Variants in CSMD1 observed in about 807,000 individuals in gnomAD.
CSMD1 encodes the protein CUB and Sushi multiple domains 1.
In CSMD1, 213 loss-of-function variants were observed where a neutral mutation model predicts 417.5. That is an observed-to-expected ratio of 0.51 (90% CI 0.46 to 0.57). The LOEUF (loss-of-function observed/expected upper bound fraction) is 0.57. Ranked by LOEUF, CSMD1 falls within the 20% of genes least tolerant of loss-of-function variation. The pLI is 0.00. For synonymous variants in CSMD1, 2,862 were observed against 1,736.8 expected, an observed-to-expected ratio of 1.65 and a Z score of -16.11; for missense variants, 6,923 against 4,529.7, an observed-to-expected ratio of 1.53 and a Z score of -15.17.
intron 3 of CSMD1, among the ~76,000 whole-genome samples, chr8:4,181,172 G>C (rs545665316): frequency 1.3e-5 from 2 of 152,096 alleles, no homozygotes; most frequent in South Asian, 4.1e-4. Flanking sequence ...AAAAGTAAAT[G>C]AGAAAGCATT....
rs75006817 is a variant in CSMD1 at position 4,844,552 on chromosome 8, C to G, written c.85+149780G>C. Among the ~76,000 whole-genome samples the G allele has an allele frequency of 3.2e-3, 489 of 152,240 alleles. 4 individuals carry two copies. The highest frequency in any genetic ancestry group is 0.011 in the African/African-American group (448 of 41,550). On this transcript the variant is annotated intron_variant, in intron 1 of 69. Coordinates refer to ENST00000635120, the MANE Select transcript of CSMD1 (RefSeq NM_033225.6). ...CTGCGACTGGCTCGAGATTCAATAA[C>G]CAGCCATGAGGGGTGCACAACATTA...
intron 3 of CSMD1, among the ~76,000 whole-genome samples, chr8:4,222,754 G>A (rs1371896379): frequency 2.0e-5 from 3 of 152,136 alleles, no homozygotes; most frequent in Admixed American, 2.0e-4. Context: ...CTGCCCAGAT[G>A]GAGGTTATAG....
intron 3 of CSMD1, among the ~76,000 whole-genome samples, chr8:4,061,919 T>C (rs139900069): frequency 5.4e-4 from 83 of 152,296 alleles, no homozygotes; most frequent in Middle Eastern, 3.4e-3. Flanking sequence ...AAATCAATTA[T>C]GCATTACTGA....
At chr8:4,108,023 G>T (rs1299466177) in intron 3 of CSMD1, among the ~76,000 whole-genome samples, 1 of 151,364 alleles carries the variant, frequency 6.6e-6, no homozygotes, top group East Asian at 1.9e-4. Context: ...AAGACTGCAG[G>T]GGAGAGAGAG....
rs534003790 is a variant in CSMD1, at chr8:4,140,234, C to G, written c.416-108135G>C. ...AAAAATTCATCTGGATATGAAGGCT[C>G]AGCCTGTCATCTAGCACTTTGGGAA... On this transcript the variant is annotated intron_variant, in intron 3 of 69. Coordinates refer to ENST00000635120, the MANE Select transcript of CSMD1 (RefSeq NM_033225.6). Among the ~76,000 whole-genome samples the G allele has an allele frequency of 6.8e-5, 9 of 132,594 alleles. 1 individual carries two copies. Among genetic ancestry groups the G allele is most frequent in the African/African-American group, 1.8e-4 (7 of 38,980 alleles). The allele number at this position is 132,594 out of a possible 152,430, so 87.0% of individuals were successfully genotyped here.
chr8:3,473,712 T>G (rs1237929154), intron 11 of CSMD1, among the ~76,000 whole-genome samples: 1 of 152,186 alleles, frequency 6.6e-6, no homozygotes, highest in African/African-American at 2.4e-5. Context: ...ATAACAATGA[T>G]GAAGAAGATA....
chr8:4,912,135 A>G lies in CSMD1; in HGVS notation c.85+82197T>C, dbSNP rs73187611. 7.1e-4 allele frequency among the ~76,000 whole-genome samples: 82 copies of G among 115,590 alleles called. 1 individual carries two copies. Among genetic ancestry groups the G allele is most frequent in the South Asian group, 1.5e-3 (5 of 3,430 alleles). The allele number at this position is 115,590 out of a possible 152,430, so 75.8% of individuals were successfully genotyped here. A position where few individuals can be genotyped will look rare whatever the true frequency, so the allele number is the denominator to read the frequency against. ...TCAACATAGCTTCAAAAAAAAAAAAAAAAAAAGAAAGAAAGAAAAGAAAAG... is the reference window on the plus strand; with the variant it reads ...TCAACATAGCTTCAAAAAAAAAAAAGAAAAAAGAAAGAAAGAAAAGAAAAG... On this transcript the variant is annotated intron_variant, in intron 1 of 69. Coordinates refer to ENST00000635120, the MANE Select transcript of CSMD1 (RefSeq NM_033225.6).
intron 3 of CSMD1, among the ~76,000 whole-genome samples, chr8:4,212,974 G>A (rs146833528): frequency 1.3e-5 from 2 of 152,088 alleles, no homozygotes; most frequent in East Asian, 1.9e-4. Context: ...AACACCTAGC[G>A]TTGGCTTCCA....
In CSMD1 at chr8:4,994,274, G is replaced by T. The variant is rs960239581; in HGVS notation, c.85+58C>A. The T allele has an allele frequency of 1.7e-5, 26 of 1,513,184 alleles. 1 individual carries two copies. In the South Asian group the frequency reaches 2.7e-4, roughly 16 times the overall value. The allele number at this position is 1,513,184 out of a possible 1,614,324, so 93.7% of individuals were successfully genotyped here. A position where few individuals can be genotyped will look rare whatever the true frequency, so the allele number is the denominator to read the frequency against. On this transcript the variant is annotated intron_variant, in intron 1 of 69. Transcript: ENST00000635120. ...GTCCCCAAAACGCACACTCGCGTCCGCACACGGGGCCTCCGAGGGCTCTAC... is the reference window on the plus strand; with the variant it reads ...GTCCCCAAAACGCACACTCGCGTCCTCACACGGGGCCTCCGAGGGCTCTAC...
chr8:3,736,807 T>C (rs910105783), intron 6 of CSMD1, among the ~76,000 whole-genome samples: 23 of 152,222 alleles, frequency 1.5e-4, no homozygotes, highest in African/African-American at 5.5e-4. Flanking sequence ...GTGGCATAAA[T>C]AGGCCCTGTT....
intron 1 of CSMD1, among the ~76,000 whole-genome samples, chr8:4,733,895 G>C (rs921133700): frequency 6.6e-6 from 1 of 152,050 alleles, no homozygotes; most frequent in Admixed American, 6.6e-5. Context: ...GTAGCTTTTT[G>C]AATTCTGGAA....
intron 29 of CSMD1, among the ~76,000 whole-genome samples, chr8:3,217,640 A>C (rs1368208366): frequency 6.6e-6 from 1 of 152,198 alleles, no homozygotes; most frequent in African/African-American, 2.4e-5. Context: ...GCTCAAAAGT[A>C]CTGTTTTCAA....
intron 1 of CSMD1, among the ~76,000 whole-genome samples, chr8:4,763,906 G>C (rs943015752): frequency 1.3e-5 from 2 of 152,176 alleles, no homozygotes; most frequent in South Asian, 2.1e-4. Context: ...ATAACCCTGA[G>C]CACTTCAAAA....
At chr8:4,773,578 C>T (rs1379326018) in intron 1 of CSMD1, among the ~76,000 whole-genome samples, 1 of 152,152 alleles carries the variant, frequency 6.6e-6, no homozygotes, top group Non-Finnish European at 1.5e-5. Flanking sequence ...ATCCTCCTTT[C>T]TCGTCTATAT....
At chr8:4,322,557 T>A (rs1799330450) in intron 3 of CSMD1, among the ~76,000 whole-genome samples, 1 of 151,540 alleles carries the variant, frequency 6.6e-6, no homozygotes, top group African/African-American at 2.4e-5. Context: ...CTGAAGAGAG[T>A]AAGTAAGATT....
intron 28 of CSMD1, among the ~76,000 whole-genome samples, chr8:3,222,263 G>A (rs889465292): frequency 6.6e-6 from 1 of 152,056 alleles, no homozygotes; most frequent in South Asian, 2.1e-4. Flanking sequence ...ATCATCAAAT[G>A]AGTTGCACTT....
chr8:3,698,623 C>T (rs2624108), intron 7 of CSMD1, among the ~76,000 whole-genome samples: 19,483 of 152,106 alleles, frequency 0.13, 1,587 homozygotes, highest in African/African-American at 0.24. Flanking sequence ...ACTCGCGTCC[C>T]TAAAAGCAAG....
At chr8:3,897,236 C>T (rs573242257) in intron 5 of CSMD1, among the ~76,000 whole-genome samples, 1 of 152,088 alleles carries the variant, frequency 6.6e-6, no homozygotes, top group Admixed American at 6.6e-5. Context: ...CACAGCCTAC[C>T]CTTTCTACAG....
rs1212934680 is a variant in CSMD1, at chr8:3,799,102, T to A, written c.819-45060A>T. Among the ~76,000 whole-genome samples, 3 of 152,118 alleles carry A rather than the reference T, an allele frequency of 2.0e-5. No homozygotes were observed. The East Asian group carries it at 5.8e-4, about 29-fold the overall frequency. On this transcript the variant is annotated intron_variant, in intron 5 of 69. Transcript: ENST00000635120. Reference sequence around the variant, plus strand: ...AACTTCCAAATGCCATTTTTTATTATCCTCAATTTGCTACATAGTTTAATA... The same window carrying A: ...AACTTCCAAATGCCATTTTTTATTAACCTCAATTTGCTACATAGTTTAATA...
Sources: gnomAD v4.1 joint callset for allele counts (sites outside exome capture counted in the v4.1 genomes callset) on GRCh38, gnomAD v4.1.1 for gene constraint, MANE v1.5 for transcripts, NCBI Gene and HGNC (gene_info 2026-07-23, HGNC 2026-07-21) for gene names.